B4GALNT2: variants seen among roughly 807,000 people sequenced by gnomAD.
B4GALNT2 encodes beta-1,4-N-acetyl-galactosaminyltransferase 2 (SID blood group).
Under a neutral mutation model 51.1 loss-of-function variants are expected in B4GALNT2, and 42 were observed. The observed-to-expected ratio is 0.82, with a 90% CI of 0.64 to 1.06. The LOEUF (loss-of-function observed/expected upper bound fraction) is 1.06. Among genes scored for constraint, B4GALNT2 ranks in the 50% least tolerant of loss-of-function variants. The pLI is 0.00. For synonymous variants in B4GALNT2, 253 were observed against 251.7 expected, an observed-to-expected ratio of 1.01 and a Z score of -0.05; for missense variants, 602 against 633.6, an observed-to-expected ratio of 0.95 and a Z score of 0.54.
At chr17:49,136,097 A>AG in intron 1 of B4GALNT2, among the ~76,000 whole-genome samples, 1 of 151,142 alleles carries the variant, frequency 6.6e-6, no homozygotes, top group East Asian at 1.9e-4. Context: ...AAAAAAAAAA[A>AG]GAAAATCCTG....
chr17:49,152,717 C>T (rs1440792269), intron 3 of B4GALNT2, 83 bp from the exon 4 acceptor site: 16 of 953,418 alleles, frequency 1.7e-5, no homozygotes, highest in South Asian at 4.9e-5. Context: ...CAGGGCAAGG[C>T]TCTGTGCACA....
chr17:49,138,938 T>C (rs2042615052), intron 1 of B4GALNT2, among the ~76,000 whole-genome samples: 1 of 152,132 alleles, frequency 6.6e-6, no homozygotes, highest in Admixed American at 6.6e-5. Flanking sequence ...CTTGTTATGC[T>C]GTTGTGAGGA....
Position 49,142,171 on chromosome 17 carries a change from A to G in B4GALNT2, c.352A>G (p.Arg118Gly). ...GGCTGAATTTGAACACTTTCAGAGG[A>G]GGTAATGCGGGTCATGAAGGCCCTT... ...RQAEFEHFQR[R>G]EGLPRPLPLL... The change falls in exon 3 of 11, where the codon AGA becomes GGA. Residue 118 changes from arginine to glycine, a missense_variant and splice_region_variant. Transcript: ENST00000393354. The G allele has an allele frequency of 1.2e-6, 2 of 1,613,930 alleles. No individual in the cohort carries two copies. Among genetic ancestry groups the G allele is most frequent in the Non-Finnish European group, 1.7e-6 (2 of 1,179,960 alleles).
chr17:49,142,285 G>T, intron 3 of B4GALNT2, 113 bp downstream of exon 3: 1 of 1,336,806 alleles, frequency 7.5e-7, no homozygotes, highest in Non-Finnish European at 1.0e-6. Flanking sequence ...TCTCTTGCAA[G>T]GGTCCCTGGG....
At chr17:49,134,097 C>A (rs952997519) in intron 1 of B4GALNT2, among the ~76,000 whole-genome samples, 2 of 152,110 alleles carry the variant, frequency 1.3e-5, no homozygotes, top group East Asian at 3.8e-4. Context: ...TCATGGGTGA[C>A]TGAAAAGGAG....
chr17:49,134,662 A>C (rs1361612806), intron 1 of B4GALNT2, among the ~76,000 whole-genome samples: 3 of 152,172 alleles, frequency 2.0e-5, no homozygotes, highest in Admixed American at 1.3e-4. Context: ...ATCTCGGCTC[A>C]CTGCAACCTC....
upstream of B4GALNT2, among the ~76,000 whole-genome samples, chr17:49,130,380 G>A (rs2042531151): frequency 6.6e-6 from 1 of 152,234 alleles, no homozygotes; most frequent in Non-Finnish European, 1.5e-5. Context: ...GCTAATGCCT[G>A]TAATCCCAGC....
At chr17:49,144,956 G>A (rs2042679227) in intron 3 of B4GALNT2, among the ~76,000 whole-genome samples, 1 of 152,160 alleles carries the variant, frequency 6.6e-6, no homozygotes, top group Non-Finnish European at 1.5e-5. Flanking sequence ...GATGTAGGCT[G>A]GGAGGCTAGG....
intron 1 of B4GALNT2, among the ~76,000 whole-genome samples, chr17:49,140,728 T>TA (rs1555610340): frequency 6.7e-6 from 1 of 150,040 alleles, no homozygotes; most frequent in Non-Finnish European, 1.5e-5. Flanking sequence ...TACTAACCTT[T>TA]TTTTTTTTTT....
intron 4 of B4GALNT2, among the ~76,000 whole-genome samples, chr17:49,155,593 C>A (rs930214819): frequency 1.4e-5 from 2 of 147,752 alleles, no homozygotes; most frequent in African/African-American, 5.0e-5. Context: ...CAGAGTGAGA[C>A]CCCATCTCAA....
intron 1 of B4GALNT2, among the ~76,000 whole-genome samples, chr17:49,136,305 T>C (rs1358394256): frequency 6.6e-6 from 1 of 151,752 alleles, no homozygotes; most frequent in African/African-American, 2.4e-5. Context: ...TCTTGATCAT[T>C]ACTAAAAAAG....
At position 49,160,552 on chromosome 17, in the gene B4GALNT2, C is replaced by T. The variant is rs772390801; in HGVS notation, c.680-3C>T. The T allele has an allele frequency of 4.3e-6, 7 of 1,613,240 alleles. No individual in the cohort carries two copies. In the Admixed American group the frequency reaches 1.2e-4, roughly 27 times the overall value. On this transcript the variant is annotated splice_region_variant and splice_polypyrimidine_tract_variant and intron_variant, in intron 6 of 10. Transcript: ENST00000393354. ...TGTGCCATTATCTTATTTCTCCCTCCAGTGAGTCTGGAGTCCAGGTCCTCA... is the reference window on the plus strand; with the variant it reads ...TGTGCCATTATCTTATTTCTCCCTCTAGTGAGTCTGGAGTCCAGGTCCTCA...
upstream of B4GALNT2, chr17:49,132,498 C>A (rs1290449852): frequency 5.4e-6 from 2 of 368,670 alleles, no homozygotes; most frequent in East Asian, 3.9e-5. Context: ...CACAGCATAG[C>A]GAGGAAGGAA....
intron 6 of B4GALNT2, among the ~76,000 whole-genome samples, 200 bp downstream of exon 6, chr17:49,159,417 C>T (rs559648895): frequency 6.6e-6 from 1 of 152,360 alleles, no homozygotes; most frequent in South Asian, 2.1e-4. Context: ...TCTCTGCTCA[C>T]TGCAACCTCC....
intron 8 of B4GALNT2, 128 bp from the exon 9 acceptor site, chr17:49,165,986 C>A: frequency 8.9e-7 from 1 of 1,121,490 alleles, no homozygotes; most frequent in Non-Finnish European, 1.2e-6. Flanking sequence ...ACTGGATTCG[C>A]TCGCACCAAT....
Position 49,167,608 on chromosome 17 carries a change from CT to C in B4GALNT2, c.1096-1054del, listed in dbSNP as rs34497598. On this transcript the variant is annotated intron_variant, in intron 9 of 10. Coordinates refer to ENST00000393354, the MANE Select transcript of B4GALNT2 (RefSeq NM_001159387.2). ...GGTAATTTTTCAACCCTCACCTACT[CT>C]TTTTTTTTTTTTTTTTTTGAGACAG... Among the ~76,000 whole-genome samples the C allele has an allele frequency of 9.7e-3, 1,112 of 115,034 alleles. 2 individuals carry two copies. The highest frequency in any genetic ancestry group is 0.015 in the Middle Eastern group (3 of 194). 75.5% of individuals were successfully genotyped at this position (115,034 alleles called of 152,430 possible).
intron 5 of B4GALNT2, among the ~76,000 whole-genome samples, chr17:49,157,819 A>G (rs1391737537): frequency 1.3e-5 from 2 of 152,164 alleles, no homozygotes; most frequent in Non-Finnish European, 2.9e-5. Flanking sequence ...GCGTAGTTCC[A>G]TGCTTATCAT....
chr17:49,142,977 G>A (rs986893823), intron 3 of B4GALNT2, among the ~76,000 whole-genome samples: 38 of 152,310 alleles, frequency 2.5e-4, no homozygotes, highest in African/African-American at 7.0e-4. Flanking sequence ...GGCTGGGCGC[G>A]GTGGCTCACG....
chr17:49,169,034 C>A, intron 10 of B4GALNT2, 134 bp downstream of exon 10: 1 of 884,562 alleles, frequency 1.1e-6, no homozygotes, highest in Non-Finnish European at 1.7e-6. Context: ...TTCCCCTTTC[C>A]CCTTTCTCCC....
Sources: allele counts gnomAD v4.1 joint callset (sites outside exome capture counted in the v4.1 genomes callset), GRCh38; gene constraint gnomAD v4.1.1; transcripts MANE v1.5; gene names NCBI Gene and HGNC (gene_info 2026-07-23, HGNC 2026-07-21).